The following CYSLTR2 variants were observed in gnomAD, a reference collection of about 807,000 sequenced individuals.
The protein encoded by CYSLTR2 is G-protein coupled receptor GPCR21.
For missense variants in CYSLTR2, 398 were observed against 411.9 expected (o/e 0.97, Z 0.29); for synonymous variants, 179 against 160.8 (o/e 1.11, Z -0.86).
intron 1 of CYSLTR2, among the ~76,000 whole-genome samples, chr13:48,678,192 A>G (rs1263398745): frequency 6.6e-6 from 1 of 152,038 alleles, no homozygotes; most frequent in African/African-American, 2.4e-5. Context: ...TATTTTTAGT[A>G]GAGATGAGGT....
At position 48,672,083 on chromosome 13, in the gene CYSLTR2, G is replaced by A. The variant is rs923951970; in HGVS notation, c.-266+18066G>A. On this transcript the variant is annotated intron_variant, in intron 1 of 4. Coordinates refer to ENST00000682523, the MANE Select transcript of CYSLTR2 (RefSeq NM_001308476.3). ...AGTTTATTTGCATAGAGGTGTTTTA[G>A]CATTCTCTGACGGTAGTTTGTATTT... Among the ~76,000 whole-genome samples the A allele has an allele frequency of 4.6e-5, 7 of 152,166 alleles. No individual in the cohort carries two copies. The East Asian group carries it at 1.3e-3, about 29-fold the overall frequency.
intron 3 of CYSLTR2, among the ~76,000 whole-genome samples, chr13:48,696,221 C>G (rs1433128177): frequency 2.0e-5 from 3 of 152,160 alleles, no homozygotes; most frequent in Non-Finnish European, 1.5e-5. Context: ...ATCTTTTGCA[C>G]ATTTTCTAAT....
chr13:48,661,548 C>T (rs181211789), intron 1 of CYSLTR2, among the ~76,000 whole-genome samples: 24 of 151,688 alleles, frequency 1.6e-4, no homozygotes, highest in East Asian at 9.6e-4. Context: ...CATCACTGAG[C>T]GCTCACCCTG....
At chr13:48,705,134 G>A (rs967047251) in intron 4 of CYSLTR2, among the ~76,000 whole-genome samples, 2 of 152,114 alleles carry the variant, frequency 1.3e-5, no homozygotes, top group African/African-American at 2.4e-5. Context: ...GAATTGGTAC[G>A]TCTTCTTAGT....
intron 1 of CYSLTR2, among the ~76,000 whole-genome samples, chr13:48,668,995 T>C (rs959209261): frequency 6.6e-6 from 1 of 152,202 alleles, no homozygotes; most frequent in African/African-American, 2.4e-5. Flanking sequence ...ACATTTTCTT[T>C]ATCCAGTCTA....
intron 1 of CYSLTR2, 91 bp downstream of exon 1, chr13:48,654,108 T>G (rs367973721): frequency 2.0e-5 from 3 of 152,314 alleles, no homozygotes; most frequent in South Asian, 4.1e-4. Flanking sequence ...TTTTTAAAAG[T>G]AAATTTGTTT....
At chr13:48,666,893 T>G (rs889734684) in intron 1 of CYSLTR2, among the ~76,000 whole-genome samples, 1 of 152,224 alleles carries the variant, frequency 6.6e-6, no homozygotes, top group Non-Finnish European at 1.5e-5. Flanking sequence ...TTATTTGCAT[T>G]TCATGTATTT....
chr13:48,697,152 AAG>A (rs1253204571), intron 4 of CYSLTR2, among the ~76,000 whole-genome samples: 2 of 152,156 alleles, frequency 1.3e-5, no homozygotes, highest in Admixed American at 6.5e-5. Flanking sequence ...GACAGCTTTG[AAG>A]AGAGTAGTAC....
intron 2 of CYSLTR2, among the ~76,000 whole-genome samples, chr13:48,692,833 A>T (rs1594000731): frequency 6.6e-6 from 1 of 151,622 alleles, no homozygotes; most frequent in East Asian, 1.9e-4. Context: ...ATATGATGTC[A>T]TTCAAAGGAA....
Position 48,710,091 on chromosome 13 carries a change from T to C in CYSLTR2, c.*2233T>C, listed in dbSNP as rs1230598665. ...GAGAGGAAATATAACCACAGTACAC[T>C]ACATGGCTCAGCTGTGAATAATATT... On this transcript the variant is annotated 3_prime_UTR_variant, in exon 5 of 5. Transcript: ENST00000682523. The C allele has an allele frequency of 1.3e-5, 2 of 152,224 alleles. No homozygotes were observed. Among genetic ancestry groups the C allele is most frequent in the Admixed American group, 1.3e-4 (2 of 15,282 alleles). 9.4% of individuals were successfully genotyped at this position (152,224 alleles called of 1,614,324 possible).
chr13:48,705,036 G>A (rs1182785617), intron 4 of CYSLTR2, among the ~76,000 whole-genome samples: 1 of 152,076 alleles, frequency 6.6e-6, no homozygotes, highest in Non-Finnish European at 1.5e-5. Flanking sequence ...GCTGAGAGAG[G>A]TCCTTGAAGT....
At chr13:48,700,740 G>A (rs1466857868) in intron 4 of CYSLTR2, among the ~76,000 whole-genome samples, 2 of 151,638 alleles carry the variant, frequency 1.3e-5, no homozygotes, top group South Asian at 4.2e-4. Context: ...ACTGTTTGCA[G>A]ATGACATTTA....
rs1484132190 is a variant in CYSLTR2 at position 48,710,551 on chromosome 13, T to A, written c.*2693T>A. On this transcript the variant is annotated 3_prime_UTR_variant, in exon 5 of 5. Transcript: ENST00000682523. ...CTTCCTCTAACAGAAAATGTGAAAG[T>A]TCTTGACTTAATAAGGAAAGAAAAA... The A allele has an allele frequency of 6.6e-6, 1 of 152,136 alleles. No homozygotes were observed. Among genetic ancestry groups the A allele is most frequent in the Non-Finnish European group, 1.5e-5 (1 of 68,022 alleles). The allele number at this position is 152,136 out of a possible 1,614,324, so 9.4% of individuals were successfully genotyped here. A position where few individuals can be genotyped will look rare whatever the true frequency, so the allele number is the denominator to read the frequency against.
rs1054713999 is a variant in CYSLTR2, at chr13:48,709,871, G to C, written c.*2013G>C. ...CTTAGAAAGCAAGTCATTCATGTTGGAGCAGGACTCTTAAAGGACTCTAGG... is the reference window on the plus strand; with the variant it reads ...CTTAGAAAGCAAGTCATTCATGTTGCAGCAGGACTCTTAAAGGACTCTAGG... On this transcript the variant is annotated 3_prime_UTR_variant, in exon 5 of 5. Transcript: ENST00000682523. 3.9e-5 allele frequency: 6 copies of C among 152,182 alleles called. No individual in the cohort carries two copies. Among genetic ancestry groups the C allele is most frequent in the African/African-American group, 1.4e-4 (6 of 41,430 alleles). 9.4% of individuals were successfully genotyped at this position (152,182 alleles called of 1,614,324 possible).
intron 1 of CYSLTR2, among the ~76,000 whole-genome samples, chr13:48,658,015 G>A (rs899607897): frequency 2.0e-5 from 3 of 151,960 alleles, no homozygotes; most frequent in Non-Finnish European, 2.9e-5. Flanking sequence ...AGGTAAATTC[G>A]CTGAGAGATA....
chr13:48,689,883 A>G (rs939273983), intron 1 of CYSLTR2, among the ~76,000 whole-genome samples: 1 of 152,124 alleles, frequency 6.6e-6, no homozygotes, highest in African/African-American at 2.4e-5. Flanking sequence ...CTTCCTATCC[A>G]TGAGCATGGA....
chr13:48,681,014 A>G (rs866037603), intron 1 of CYSLTR2, among the ~76,000 whole-genome samples: 3 of 151,104 alleles, frequency 2.0e-5, no homozygotes, highest in Non-Finnish European at 3.0e-5. Flanking sequence ...TTGTATATAT[A>G]TTTTTTTCCT....
At chr13:48,665,003 T>C (rs12584980) in intron 1 of CYSLTR2, among the ~76,000 whole-genome samples, 8,084 of 152,146 alleles carry the variant, frequency 0.053, 249 homozygotes, top group Non-Finnish European at 0.061. Context: ...TTTTGGTATA[T>C]TGTGTTTCTA....
intron 1 of CYSLTR2, among the ~76,000 whole-genome samples, chr13:48,674,115 T>C (rs980110187): frequency 3.6e-4 from 55 of 152,174 alleles, no homozygotes; most frequent in African/African-American, 1.3e-3. Context: ...GTTGCTCTTA[T>C]TGAGGAGTAT....
Sources: gnomAD v4.1 joint callset for allele counts (sites outside exome capture counted in the v4.1 genomes callset) on GRCh38, gnomAD v4.1.1 for gene constraint, MANE v1.5 for transcripts, NCBI Gene and HGNC (gene_info 2026-07-23, HGNC 2026-07-21) for gene names.